CST8: variants seen among roughly 807,000 people sequenced by gnomAD.
CST8 encodes the protein cystatin 8.
A neutral mutation model predicts 11.8 loss-of-function variants in CST8; 20 were observed. The observed-to-expected ratio is 1.70, with a 90% confidence interval of 1.20 to 2.47. The LOEUF (loss-of-function observed/expected upper bound fraction) is 2.47. Ranked by LOEUF, CST8 falls within the 30% of genes most tolerant of loss-of-function variation. The probability of loss-of-function intolerance (pLI) is 0.00; values close to 1 mark genes in which losing one functional copy is unlikely to be tolerated. For synonymous variants in CST8, 77 were observed against 63.1 expected, an observed-to-expected ratio of 1.22 and a Z score of -1.05; for missense variants, 196 against 167.2, an observed-to-expected ratio of 1.17 and a Z score of -0.95.
chr20:23,495,238 A>T lies in CST8; in HGVS notation c.346-593A>T, dbSNP rs369040928. On this transcript the variant is annotated intron_variant, in intron 3 of 3. Coordinates refer to ENST00000246012, the MANE Select transcript of CST8 (RefSeq NM_005492.4). ...ATTGACAGGCATTTAGGCTGACTTG[A>T]TGTCTTTGCTACTGTGAATGGTGCT... is the stretch of plus-strand genomic sequence containing the variant. Among the ~76,000 whole-genome samples, 28 of 152,122 alleles carry T rather than the reference A, an allele frequency of 1.8e-4. No homozygotes were observed. In the South Asian group the frequency reaches 5.0e-3, roughly 27 times the overall value.
At chr20:23,494,830 T>C (rs1209613021) in intron 3 of CST8, among the ~76,000 whole-genome samples, 3 of 152,344 alleles carry the variant, frequency 2.0e-5, no homozygotes, top group Middle Eastern at 6.8e-3. Context: ...AAGTTTATTG[T>C]AGATTCAGGG....
chr20:23,506,100 A>G, the CST8 span, among the ~76,000 whole-genome samples: 3 of 151,640 alleles, frequency 2.0e-5, no homozygotes, highest in African/African-American at 7.3e-5. Context: ...AGTTGCTGGT[A>G]GTTTGTACTG....
downstream of CST8, among the ~76,000 whole-genome samples, chr20:23,496,684 C>T (rs570301220): frequency 6.6e-5 from 10 of 152,270 alleles, no homozygotes; most frequent in South Asian, 4.1e-4. Flanking sequence ...GGGAGCACTA[C>T]GGGAAACTGG....
the CST8 span, among the ~76,000 whole-genome samples, chr20:23,501,270 TAC>T: frequency 1.3e-5 from 2 of 152,248 alleles, no homozygotes; most frequent in East Asian, 3.8e-4. Flanking sequence ...GTTTTCTCTT[TAC>T]AGAGTTGAGG....
At chr20:23,495,133 A>G (rs1988003679) in intron 3 of CST8, among the ~76,000 whole-genome samples, 1 of 152,190 alleles carries the variant, frequency 6.6e-6, no homozygotes, top group African/African-American at 2.4e-5. Flanking sequence ...ATTACTGCAA[A>G]GGACATTATC....
At chr20:23,491,994 C>T (rs987564908) in intron 2 of CST8, 96 bp downstream of exon 2, 10 of 931,908 alleles carry the variant, frequency 1.1e-5, no homozygotes, top group Admixed American at 8.4e-5. Context: ...TATCACTATG[C>T]AAAAATCCTA....
rs181993206 is a variant in CST8, at chr20:23,491,758, G to C, written c.91G>C (p.Val31Leu). The change falls in exon 2 of 4, where the codon GTG becomes CTG. Residue 31 changes from valine to leucine, a missense_variant. Physicochemically the swap from Val to Leu is conservative, Grantham distance 32. Coordinates refer to ENST00000246012, the MANE Select transcript of CST8 (RefSeq NM_005492.4). Reference sequence around the variant, plus strand: ...AGACCCAAAAAAGAATGAGACAGGGGTGCTGAGGAAATTAAAACCCGTCAA... The same window carrying C: ...AGACCCAAAAAAGAATGAGACAGGGCTGCTGAGGAAATTAAAACCCGTCAA... ...RKDPKKNETG[V>L]LRKLKPVNAS... is the part of the protein sequence containing the mutation. The C allele has an allele frequency of 1.4e-5, 22 of 1,614,058 alleles. No homozygotes were observed. Among genetic ancestry groups the C allele is most frequent in the Admixed American group, 5.0e-5 (3 of 60,022 alleles).
Position 23,493,004 on chromosome 20 carries a change from G to C in CST8, c.278G>C (p.Ser93Thr), listed in dbSNP as rs1987936008. 6.2e-7 allele frequency: 1 copy of C among 1,613,428 alleles called. No homozygotes were observed. Among genetic ancestry groups the C allele is most frequent in the Non-Finnish European group, 8.5e-7 (1 of 1,179,636 alleles). ...CTTATTGATGTAGAAATTGCCCGCA[G>C]CGATTGCAGAAAGCCTTTAAGCACT... ...EYLIDVEIAR[S>T]DCRKPLSTNE... is the part of the protein sequence containing the mutation. The change falls in exon 3 of 4, where the codon AGC becomes ACC. Residue 93 changes from serine to threonine, a missense_variant. Transcript: ENST00000246012.
At chr20:23,499,890 AAAG>A (rs202167467), downstream of CST8, among the ~76,000 whole-genome samples, 122 of 152,276 alleles carry the variant, frequency 8.0e-4, 2 homozygotes, top group East Asian at 0.018. Flanking sequence ...GCTAATTTAT[AAAG>A]AAGAAGTTTA....
downstream of CST8, chr20:23,496,074 A>G: frequency 4.9e-6 from 3 of 607,906 alleles, no homozygotes; most frequent in South Asian, 6.4e-5. Context: ...GAAGATGGGC[A>G]TGTCCAGGTC....
chr20:23,494,798 T>C (rs1262969105), intron 3 of CST8, among the ~76,000 whole-genome samples: 1 of 152,240 alleles, frequency 6.6e-6, no homozygotes, highest in Non-Finnish European at 1.5e-5. Context: ...TGACTTGTTA[T>C]TAGAACAAAA....
chr20:23,500,105 C>A (rs984991923), downstream of CST8, among the ~76,000 whole-genome samples: 1 of 151,822 alleles, frequency 6.6e-6, no homozygotes, highest in African/African-American at 2.4e-5. Context: ...CATTTTAACA[C>A]TCAATCTTAC....
At chr20:23,493,156 A>G in intron 3 of CST8, 85 bp downstream of exon 3, 1 of 868,238 alleles carries the variant, frequency 1.2e-6, no homozygotes, top group Non-Finnish European at 1.9e-6. Flanking sequence ...CTTCTCTTTG[A>G]GGTCTGGGTG....
chr20:23,506,601 A>ATT, the CST8 span, among the ~76,000 whole-genome samples: 2 of 150,862 alleles, frequency 1.3e-5, no homozygotes, highest in Non-Finnish European at 3.0e-5. Context: ...TATCACACAG[A>ATT]TTTTTTTTTT....
At chr20:23,501,454 G>A in the CST8 span, among the ~76,000 whole-genome samples, 2 of 152,208 alleles carry the variant, frequency 1.3e-5, no homozygotes, top group African/African-American at 4.8e-5. Flanking sequence ...GCCCCATCCC[G>A]TGTCGGGTCC....
intron 1 of CST8, 32 bp downstream of exon 1, chr20:23,491,374 G>T: frequency 2.2e-6 from 1 of 449,486 alleles, no homozygotes; most frequent in Non-Finnish European, 4.1e-6. Context: ...CCGAAGGGGA[G>T]AGGAACTCTC....
At chr20:23,498,664 C>T (rs1046093413), downstream of CST8, among the ~76,000 whole-genome samples, 12 of 152,234 alleles carry the variant, frequency 7.9e-5, no homozygotes, top group Non-Finnish European at 8.8e-5. Context: ...GTGCCACTCC[C>T]GTTATGCCCA....
At position 23,491,685 on chromosome 20, in the gene CST8, G is replaced by C; in HGVS notation, c.18G>C (p.Trp6Cys). The part of the protein sequence containing the change: MPRCR[W>C]LSLILLTIPL... ...AAGGGACCATGCCCAGGTGCCGGTGGCTCTCCCTGATCCTCCTCACCATTC... is the reference window on the plus strand; with the variant it reads ...AAGGGACCATGCCCAGGTGCCGGTGCCTCTCCCTGATCCTCCTCACCATTC... The change falls in exon 2 of 4, where the codon TGG (tryptophan) becomes TGC (cysteine). Residue 6 changes from tryptophan (W) to cysteine (C), a missense_variant. Transcript: ENST00000246012. 1 of 1,613,884 alleles carries C rather than the reference G, an allele frequency of 6.2e-7. No homozygotes were observed. The highest frequency in any genetic ancestry group is 8.5e-7 in the Non-Finnish European group (1 of 1,179,828).
chr20:23,491,358 C>A lies in CST8; in HGVS notation c.-144+16C>A. On this transcript the variant is annotated intron_variant, in intron 1 of 3. Transcript: ENST00000246012. Reference sequence around the variant, plus strand: ...GCTCACAGGGGTAGGCATAGACACACTGGGGCCGAAGGGGAGAGGAACTCT... The same window carrying A: ...GCTCACAGGGGTAGGCATAGACACAATGGGGCCGAAGGGGAGAGGAACTCT... 1 of 398,534 alleles carries A rather than the reference C, an allele frequency of 2.5e-6. No homozygotes were observed. The highest frequency in any genetic ancestry group is 4.6e-6 in the Non-Finnish European group (1 of 215,906). The allele number at this position is 398,534 out of a possible 1,614,324, so 24.7% of individuals were successfully genotyped here.
Sources: gnomAD v4.1 joint callset for allele counts (sites outside exome capture counted in the v4.1 genomes callset) on GRCh38, gnomAD v4.1.1 for gene constraint, MANE v1.5 for transcripts, NCBI Gene and HGNC (gene_info 2026-07-23, HGNC 2026-07-21) for gene names.